DOK5: variants seen among roughly 807,000 people sequenced by gnomAD.
The protein encoded by DOK5 is downstream of tyrosine kinase 5.
Under a neutral mutation model 43.3 loss-of-function variants are expected in DOK5, and 27 were observed. That is an observed-to-expected ratio of 0.62 (90% CI 0.46 to 0.86). DOK5 has a LOEUF of 0.86. DOK5 is among the 40% of genes least tolerant of loss of function. The pLI is 0.00. For missense variants in DOK5, 373 were observed against 392.9 expected (o/e 0.95, Z 0.43); for synonymous variants, 146 against 140.1 (o/e 1.04, Z -0.30).
At position 54,591,795 on chromosome 20, in the gene DOK5, G is replaced by A. The variant is rs764162522; in HGVS notation, c.589G>A (p.Glu197Lys). ...ACGTGATACTACGTGGTTCACTTTT[G>A]AGGCAGGGAGGTGAGTTTAATGACT... Reference protein sequence around the residue: ...YGRDTTWFTFEAGRMCETGEG... With the variant: ...YGRDTTWFTFKAGRMCETGEG... The change falls in exon 5 of 8, where the codon GAG (glutamate) becomes AAG (lysine). Residue 197 changes from glutamate (E) to lysine (K), a missense_variant. By Grantham distance (56) the Glu-to-Lys change is moderately conservative (BLOSUM62 1). Coordinates refer to ENST00000262593, the MANE Select transcript of DOK5 (RefSeq NM_018431.5). The A allele has an allele frequency of 6.2e-7, 1 of 1,611,064 alleles. No individual in the cohort carries two copies. Among genetic ancestry groups the A allele is most frequent in the South Asian group, 1.1e-5 (1 of 90,278 alleles).
chr20:54,571,969 A>T (rs1182815309), intron 2 of DOK5, among the ~76,000 whole-genome samples: 2 of 152,222 alleles, frequency 1.3e-5, no homozygotes, highest in East Asian at 3.9e-4. Flanking sequence ...TCTTTGCCTC[A>T]TAAACCCGTG....
chr20:54,556,692 C>T (rs1984719187), intron 2 of DOK5, among the ~76,000 whole-genome samples: 1 of 152,136 alleles, frequency 6.6e-6, no homozygotes, highest in Non-Finnish European at 1.5e-5. Context: ...ACAGACAGAG[C>T]TTTAGGTGGC....
rs141351941 is a variant in DOK5 at position 54,551,896 on chromosome 20, C to T, written c.67-3037C>T. On this transcript the variant is annotated intron_variant, in intron 1 of 7. Transcript: ENST00000262593. ...AGGCTGGAGTTCAGTGACATGTTCT[C>T]GGCTTACTGCAGCCTCTACCTCCTG... 3.2e-3 allele frequency among the ~76,000 whole-genome samples: 480 copies of T among 152,248 alleles called. 3 individuals are homozygous for T. Among genetic ancestry groups the T allele is most frequent in the African/African-American group, 0.011 (461 of 41,536 alleles).
At chr20:54,533,260 C>A (rs1983842170) in intron 1 of DOK5, among the ~76,000 whole-genome samples, 1 of 152,110 alleles carries the variant, frequency 6.6e-6, no homozygotes, top group African/African-American at 2.4e-5. Context: ...TTGTGATGAC[C>A]AAAAGCTTCT....
chr20:54,550,453 A>C (rs1187501787), intron 1 of DOK5, among the ~76,000 whole-genome samples: 1 of 152,208 alleles, frequency 6.6e-6, no homozygotes, highest in Admixed American at 6.5e-5. Context: ...ATATTGATGT[A>C]GTCAAGCTAC....
At chr20:54,628,934 T>A (rs1024080612) in intron 6 of DOK5, among the ~76,000 whole-genome samples, 2 of 152,232 alleles carry the variant, frequency 1.3e-5, no homozygotes, top group African/African-American at 4.8e-5. Context: ...CATCATTCTT[T>A]TTTAAGGGAG....
chr20:54,598,320 T>G (rs1012775095), intron 5 of DOK5, among the ~76,000 whole-genome samples: 1 of 152,200 alleles, frequency 6.6e-6, no homozygotes, highest in Non-Finnish European at 1.5e-5. Context: ...TTGTTTGAAG[T>G]TTTCTTAGTC....
rs1984044869 is a variant in DOK5, at chr20:54,538,907, TA to T, written c.67-16023del. 2.0e-5 allele frequency among the ~76,000 whole-genome samples: 3 copies of T among 152,294 alleles called. No homozygotes were observed. The South Asian group carries it at 6.2e-4, about 32-fold the overall frequency. On this transcript the variant is annotated intron_variant, in intron 1 of 7. Transcript: ENST00000262593. ...TGGGTGAATCTGTAGAGAATTATGC[TA>T]AATGAAAAAAGCCAAATCGAAAAGG...
At position 54,643,561 on chromosome 20, in the gene DOK5, A is replaced by G; in HGVS notation, c.839A>G (p.Gln280Arg). 6.2e-7 allele frequency: 1 copy of G among 1,613,000 alleles called. No homozygotes were observed. Among genetic ancestry groups the G allele is most frequent in the East Asian group, 2.2e-5 (1 of 44,864 alleles). Residue 280 changes from glutamine (Q) to arginine (R), a missense_variant, in exon 7 of 8, where the codon CAG becomes CGG. Physicochemically the swap from Gln to Arg is conservative, Grantham distance 43 (BLOSUM62 1). Coordinates refer to ENST00000262593, the MANE Select transcript of DOK5 (RefSeq NM_018431.5). Reference sequence around the variant, plus strand: ...ATCACACGGCAGCACAGCACGGGACAGCTCTACCGCTTGCAAGGTAAGCGT... The same window carrying G: ...ATCACACGGCAGCACAGCACGGGACGGCTCTACCGCTTGCAAGGTAAGCGT... ...QHITRQHSTG[Q>R]LYRLQDVSSP...
intron 1 of DOK5, among the ~76,000 whole-genome samples, chr20:54,553,171 T>C (rs1028050038): frequency 8.6e-5 from 13 of 151,794 alleles, no homozygotes; most frequent in African/African-American, 3.2e-4. Flanking sequence ...TCATTTTGTT[T>C]TGGGTTTTTT....
At chr20:54,493,182 C>A (rs1982260679) in intron 1 of DOK5, among the ~76,000 whole-genome samples, 1 of 152,014 alleles carries the variant, frequency 6.6e-6, no homozygotes, top group Admixed American at 6.6e-5. Context: ...CTAATTCTAT[C>A]CTACCTTTCT....
At chr20:54,640,520 T>A (rs932961100) in intron 6 of DOK5, among the ~76,000 whole-genome samples, 1 of 152,256 alleles carries the variant, frequency 6.6e-6, no homozygotes, top group African/African-American at 2.4e-5. Flanking sequence ...ATAAGGCTTT[T>A]CTTTTTGTCC....
chr20:54,537,507 A>G (rs1055682754), intron 1 of DOK5, among the ~76,000 whole-genome samples: 2 of 152,244 alleles, frequency 1.3e-5, no homozygotes, highest in Non-Finnish European at 2.9e-5. Context: ...GAAATGAGAT[A>G]GAAAGAAGGC....
chr20:54,611,587 A>T (rs1351227251), intron 6 of DOK5, among the ~76,000 whole-genome samples: 4 of 152,172 alleles, frequency 2.6e-5, no homozygotes, highest in Admixed American at 2.6e-4. Flanking sequence ...AATAATAATT[A>T]TGTTCATGAG....
intron 4 of DOK5, among the ~76,000 whole-genome samples, chr20:54,590,065 T>G (rs1985931923): frequency 6.6e-6 from 1 of 152,192 alleles, no homozygotes; most frequent in South Asian, 2.1e-4. Context: ...TGATTCATTT[T>G]TTCACCTAGA....
At chr20:54,551,527 T>C (rs1600696899) in intron 1 of DOK5, among the ~76,000 whole-genome samples, 2 of 152,350 alleles carry the variant, frequency 1.3e-5, no homozygotes, top group South Asian at 4.1e-4. Flanking sequence ...ATTTAAGTTT[T>C]ATCATTTTAT....
At chr20:54,542,602 C>A (rs1984202752) in intron 1 of DOK5, among the ~76,000 whole-genome samples, 1 of 152,112 alleles carries the variant, frequency 6.6e-6, no homozygotes, top group Non-Finnish European at 1.5e-5. Flanking sequence ...CTGTTCATGG[C>A]AGATATTGAT....
intron 5 of DOK5, among the ~76,000 whole-genome samples, chr20:54,595,257 G>T (rs1182620060): frequency 6.6e-6 from 1 of 152,052 alleles, no homozygotes; most frequent in African/African-American, 2.4e-5. Flanking sequence ...AGGAGAATGC[G>T]TGAACCCGGG....
At chr20:54,545,072 C>T (rs1438737400) in intron 1 of DOK5, among the ~76,000 whole-genome samples, 6 of 152,136 alleles carry the variant, frequency 3.9e-5, no homozygotes, top group African/African-American at 1.4e-4. Context: ...AAATTTCTCC[C>T]AACGTTAGCT....
Sources: gnomAD v4.1 joint callset for allele counts (sites outside exome capture counted in the v4.1 genomes callset) on GRCh38, gnomAD v4.1.1 for gene constraint, MANE v1.5 for transcripts, NCBI Gene and HGNC (gene_info 2026-07-23, HGNC 2026-07-21) for gene names.